ZNF318: variants seen among roughly 807,000 people sequenced by gnomAD.
The protein encoded by ZNF318 is endocrine regulator.
In ZNF318, 51 loss-of-function variants were observed where a neutral mutation model predicts 124.2. That is an observed-to-expected ratio of 0.41 (90% CI 0.33 to 0.52). The LOEUF is 0.52. ZNF318 is among the 20% of genes least tolerant of loss of function. ZNF318 has a pLI of 0.23. For synonymous variants in ZNF318, 1,090 were observed against 1,040.7 expected (o/e 1.05, Z -0.91); for missense variants, 2,815 against 2,811.2 (o/e 1.00, Z -0.03).
rs778980816 is a variant in ZNF318 at position 43,348,440 on chromosome 6, C to G, written c.2956G>C (p.Asp986His). 6.2e-7 allele frequency: 1 copy of G among 1,614,052 alleles called. No individual in the cohort carries two copies. Among genetic ancestry groups the G allele is most frequent in the Non-Finnish European group, 8.5e-7 (1 of 1,180,010 alleles). Residue 986 changes from aspartate to histidine, a missense_variant, in exon 6 of 10, where the codon GAT becomes CAT. Physicochemically the swap from Asp to His is moderately conservative, Grantham distance 81 (BLOSUM62 -1). This residue lies in a region of ZNF318 where 1,377 missense variants were observed against 1,353.5 expected (regional missense o/e 1.02). Coordinates refer to ENST00000361428, the MANE Select transcript of ZNF318 (RefSeq NM_014345.3). Reference protein sequence around the residue: ...VAQILGINIFDKSQKSLSDSR... With the variant: ...VAQILGINIFHKSQKSLSDSR... ...TCACTTAAAGACTTCTGGGATTTAT[C>G]GAAGATGTTAATTCCCAAGATCTGA...
rs781483299 is a variant in ZNF318 at position 43,339,218 on chromosome 6, C to A, written c.4780G>T (p.Gly1594Cys). 1 of 1,614,164 alleles carries A rather than the reference C, an allele frequency of 6.2e-7. No homozygotes were observed. The highest frequency in any genetic ancestry group is 8.5e-7 in the Non-Finnish European group (1 of 1,180,032). ...CTATTTTCCCCATTGGCCAATGGAC[C>A]ACCACTTAGCTTAGTCTCAGGGGCC... ...KGAPETKLSG[G>C]PLANGENSNL... The change falls in exon 10 of 10, where the codon GGT becomes TGT. Residue 1594 changes from glycine (G) to cysteine (C), a missense_variant. Transcript: ENST00000361428. The surrounding 1 kb of genome is among the most constrained non-coding windows in gnomAD (Gnocchi z 4.2).
Position 43,356,153 on chromosome 6 carries a change from G to T in ZNF318, c.1189-8C>A. The T allele has an allele frequency of 6.2e-7, 1 of 1,606,508 alleles. No homozygotes were observed. The highest frequency in any genetic ancestry group is 8.5e-7 in the Non-Finnish European group (1 of 1,177,388). On this transcript the variant is annotated splice_region_variant and splice_polypyrimidine_tract_variant and intron_variant, in intron 3 of 9. Coordinates refer to ENST00000361428, the MANE Select transcript of ZNF318 (RefSeq NM_014345.3). ...GCTGGAAAAACTCTCAAGCTGCAAA[G>T]ACAAACACAACTGATTTAGTCTTAT...
rs1779483031 is a variant in ZNF318, at chr6:43,348,645, CA to C, written c.2771-21del. 6.2e-7 allele frequency: 1 copy of C among 1,603,600 alleles called. No homozygotes were observed. Among genetic ancestry groups the C allele is most frequent in the African/African-American group, 1.3e-5 (1 of 74,238 alleles). On this transcript the variant is annotated intron_variant, in intron 5 of 9. Transcript: ENST00000361428. ...TTTCTCCTGAGCAATCAAATGTCAA[CA>C]AAAAGAAGCACAGGGAAAATAAGAC...
At chr6:43,366,673 G>T (rs1036086983) in intron 1 of ZNF318, among the ~76,000 whole-genome samples, 1 of 152,096 alleles carries the variant, frequency 6.6e-6, no homozygotes, top group African/African-American at 2.4e-5. Flanking sequence ...TGGGATGTTG[G>T]TACGCACCTG....
At chr6:43,356,981 GGA>G (rs1779616204) in intron 3 of ZNF318, 143 bp downstream of exon 3, 4 of 919,468 alleles carry the variant, frequency 4.4e-6, no homozygotes, top group Non-Finnish European at 6.3e-6. Context: ...AGTTTCGTTT[GGA>G]GAGTCCTAGA....
intron 3 of ZNF318, among the ~76,000 whole-genome samples, chr6:43,356,784 G>C (rs868272004): frequency 3.3e-5 from 5 of 152,158 alleles, no homozygotes; most frequent in Middle Eastern, 3.4e-3. Flanking sequence ...AGAGAGATGA[G>C]AAAATTGAGA....
At chr6:43,352,261 A>ACCTGAGAATTCTTTG in intron 5 of ZNF318, 116 bp downstream of exon 5, 1 of 757,356 alleles carries the variant, frequency 1.3e-6, no homozygotes, top group Non-Finnish European at 2.2e-6. Context: ...AAGTTTAATT[A>ACCTGAGAATTCTTTG]CGTCAAAAAA....
At chr6:43,342,989 T>G in intron 6 of ZNF318, 110 bp from the exon 7 acceptor site, 2 of 867,060 alleles carry the variant, frequency 2.3e-6, no homozygotes, top group Non-Finnish European at 3.5e-6. Flanking sequence ...ATGACCATAT[T>G]TCCAATGTTT....
At chr6:43,361,362 T>G (rs544029467) in intron 2 of ZNF318, among the ~76,000 whole-genome samples, 8 of 152,294 alleles carry the variant, frequency 5.3e-5, no homozygotes, top group African/African-American at 1.9e-4. Flanking sequence ...GTCAGGAGAC[T>G]AGCCTGGACA....
Position 43,355,591 on chromosome 6 carries a change from T to C in ZNF318, c.1743A>G (p.Ser581=). 3 of 1,614,196 alleles carry C rather than the reference T, an allele frequency of 1.9e-6. No individual in the cohort carries two copies. The highest frequency in any genetic ancestry group is 2.5e-6 in the Non-Finnish European group (3 of 1,180,038). Residue 581 remains serine, a synonymous_variant, in exon 4 of 10, where the codon TCA becomes TCG. Coordinates refer to ENST00000361428, the MANE Select transcript of ZNF318 (RefSeq NM_014345.3). ...PSSAPAVKLE[S]LEETNPEYAK... Reference sequence around the variant, plus strand: ...CATATTCTGGATTGGTCTCTTCTAGTGATTCTAGCTTTACAGCTGGAGCTG... The same window carrying C: ...CATATTCTGGATTGGTCTCTTCTAGCGATTCTAGCTTTACAGCTGGAGCTG...
chr6:43,356,017 T>A lies in ZNF318; in HGVS notation c.1317A>T (p.Val439=). The change falls in exon 4 of 10, where the codon GTA becomes GTT. Residue 439 remains valine, a synonymous_variant. Coordinates refer to ENST00000361428, the MANE Select transcript of ZNF318 (RefSeq NM_014345.3). ...CCTGAGGTTCCTTCAAGGCAGTCTC[T>A]ACCATAGTCCCCTTGTTTTCAATCT... ...ASEIENKGTM[V]ETALKEPQGN... The A allele has an allele frequency of 6.2e-7, 1 of 1,614,206 alleles. No homozygotes were observed. Among genetic ancestry groups the A allele is most frequent in the Non-Finnish European group, 8.5e-7 (1 of 1,180,032 alleles).
chr6:43,344,756 T>TG (rs1779414931), intron 6 of ZNF318, among the ~76,000 whole-genome samples: 1 of 152,162 alleles, frequency 6.6e-6, no homozygotes, highest in Non-Finnish European at 1.5e-5. Context: ...TCCTGACACT[T>TG]TATTGGTGAC....
rs753416875 is a variant in ZNF318 at position 43,338,360 on chromosome 6, G to T, written c.5638C>A (p.Pro1880Thr). The T allele has an allele frequency of 6.2e-7, 1 of 1,614,134 alleles. No homozygotes were observed. Among genetic ancestry groups the T allele is most frequent in the South Asian group, 1.1e-5 (1 of 91,080 alleles). Reference protein sequence around the residue: ...FLSEARSLLNPQDTPVKISAP... With the variant: ...FLSEARSLLNTQDTPVKISAP... ...GAAATTTTCACAGGTGTATCTTGTG[G>T]GTTGAGTAAAGACCTAGCTTCTGAT... is the stretch of plus-strand genomic sequence containing the variant. Residue 1880 changes from proline (P) to threonine (T), a missense_variant, in exon 10 of 10, where the codon CCA becomes ACA. This residue lies in a region of ZNF318 where 927 missense variants were observed against 820.6 expected (regional missense o/e 1.13). Transcript: ENST00000361428.
chr6:43,342,457 A>C (rs1221086883), intron 7 of ZNF318, among the ~76,000 whole-genome samples: 1 of 152,124 alleles, frequency 6.6e-6, no homozygotes, highest in African/African-American at 2.4e-5. Context: ...AAGAGGCAGA[A>C]ACCTCACTTA....
At chr6:43,352,054 G>C (rs143679549) in intron 5 of ZNF318, among the ~76,000 whole-genome samples, 2 of 152,102 alleles carry the variant, frequency 1.3e-5, no homozygotes, top group South Asian at 2.1e-4. Context: ...TGAGGCAGGA[G>C]AATCACTTGA....
At position 43,348,440 on chromosome 6, in the gene ZNF318, C is replaced by T. The variant is rs778980816; in HGVS notation, c.2956G>A (p.Asp986Asn). The change falls in exon 6 of 10, where the codon GAT becomes AAT. Residue 986 changes from aspartate to asparagine, a missense_variant. Around this residue, in one of 4 missense-constraint regions of ZNF318, gnomAD observed 1,377 missense variants for 1,353.5 expected, o/e 1.02. Transcript: ENST00000361428. ...VAQILGINIFDKSQKSLSDSR... is the reference protein window; with the variant it reads ...VAQILGINIFNKSQKSLSDSR... ...TCACTTAAAGACTTCTGGGATTTAT[C>T]GAAGATGTTAATTCCCAAGATCTGA... 3.1e-6 allele frequency: 5 copies of T among 1,613,934 alleles called. No homozygotes were observed. Among genetic ancestry groups the T allele is most frequent in the South Asian group, 1.1e-5 (1 of 91,074 alleles).
chr6:43,339,755 C>T lies in ZNF318; in HGVS notation c.4243G>A (p.Val1415Met). Reference sequence around the variant, plus strand: ...TCCTCTGGAGACCCTTTTAGAATCACCTCTTCCCCTCCAAATGCTTTGGAG... The same window carrying T: ...TCCTCTGGAGACCCTTTTAGAATCATCTCTTCCCCTCCAAATGCTTTGGAG... ...IISKAFGGEE[V>M]ILKGSPEEKV... Residue 1415 changes from valine to methionine, a missense_variant, in exon 10 of 10, where the codon GTG becomes ATG. Coordinates refer to ENST00000361428, the MANE Select transcript of ZNF318 (RefSeq NM_014345.3). This position sits in a 1 kb window ranked among gnomAD's most constrained non-coding sequence, Gnocchi z 4.2. 1 of 1,614,130 alleles carries T rather than the reference C, an allele frequency of 6.2e-7. No individual in the cohort carries two copies.
Position 43,369,530 on chromosome 6 carries a change from C to T in ZNF318, c.-165G>A. 1 of 356,620 alleles carries T rather than the reference C, an allele frequency of 2.8e-6. No homozygotes were observed. Among genetic ancestry groups the T allele is most frequent in the Non-Finnish European group, 3.9e-6 (1 of 254,982 alleles). 22.1% of individuals were successfully genotyped at this position (356,620 alleles called of 1,614,324 possible). Reference sequence around the variant, plus strand: ...CTCGGCCCCGCGTCGCCCCGGGGGCCCGGCCGAGCGCGCCCCCGCGGCTGG... The same window carrying T: ...CTCGGCCCCGCGTCGCCCCGGGGGCTCGGCCGAGCGCGCCCCCGCGGCTGG... On this transcript the variant is annotated 5_prime_UTR_variant, in exon 1 of 10. Transcript: ENST00000361428.
intron 5 of ZNF318, among the ~76,000 whole-genome samples, chr6:43,349,846 G>A (rs1264833500): frequency 1.3e-5 from 2 of 152,290 alleles, no homozygotes; most frequent in Non-Finnish European, 2.9e-5. Context: ...TGCTTTGGGA[G>A]GCTGAGATGG....
Sources: allele counts gnomAD v4.1 joint callset (sites outside exome capture counted in the v4.1 genomes callset), GRCh38; gene constraint gnomAD v4.1.1; regional missense constraint gnomAD v4.1.1; non-coding constraint Gnocchi (gnomAD v3.1); transcripts MANE v1.5; gene names NCBI Gene and HGNC (gene_info 2026-07-23, HGNC 2026-07-21).